The following XDH variants were observed in gnomAD, a reference collection of about 807,000 sequenced individuals.
XDH encodes the protein xanthine dehydrogenase/oxidase.
In XDH, 138 loss-of-function variants were observed where a neutral mutation model predicts 156.1. The observed-to-expected ratio is 0.88, with a 90% CI of 0.77 to 1.02. The LOEUF (loss-of-function observed/expected upper bound fraction) is 1.02. XDH is among the 50% of genes least tolerant of loss of function. The probability of loss-of-function intolerance (pLI) is 0.00; values close to 1 mark genes in which losing one functional copy is unlikely to be tolerated. For missense variants in XDH, 1,849 were observed against 1,684.9 expected (o/e 1.10, Z -1.71); for synonymous variants, 669 against 625.7 (o/e 1.07, Z -1.03).
At chr2:31,367,347 T>C (rs1420708333) in intron 20 of XDH, among the ~76,000 whole-genome samples, 3 of 152,218 alleles carry the variant, frequency 2.0e-5, no homozygotes, top group African/African-American at 7.2e-5. Flanking sequence ...ATTGAAACAC[T>C]GAAAACCAGC....
chr2:31,381,604 T>C, intron 12 of XDH, 29 bp downstream of exon 12: 1 of 1,611,932 alleles, frequency 6.2e-7, no homozygotes, highest in Non-Finnish European at 8.5e-7. Flanking sequence ...CAAGTCCTTC[T>C]TCCTGGACCT....
chr2:31,358,310 G>A lies in XDH; in HGVS notation c.2631+5848C>T, dbSNP rs7597682. On this transcript the variant is annotated intron_variant, in intron 24 of 35. Coordinates refer to ENST00000379416, the MANE Select transcript of XDH (RefSeq NM_000379.4). ...AGAAAAGAAGTCTCCAGGTCCAAAC[G>A]ATTTCACTGGAAAATTCTACCAAAC... Among the ~76,000 whole-genome samples, 1,487 of 152,176 alleles carry A rather than the reference G, an allele frequency of 9.8e-3. 19 individuals carry two copies. Among genetic ancestry groups the A allele is most frequent in the African/African-American group, 0.035 (1,438 of 41,542 alleles).
At chr2:31,390,988 T>C (rs1686746108) in intron 6 of XDH, among the ~76,000 whole-genome samples, 1 of 152,238 alleles carries the variant, frequency 6.6e-6, no homozygotes, top group African/African-American at 2.4e-5. Flanking sequence ...TTTAATGAAG[T>C]CCAGCTTATA....
rs915588135 is a variant in XDH at position 31,372,123 on chromosome 2, T to C, written c.1856+105A>G. Reference sequence around the variant, plus strand: ...CCTGGGAGGTCCTGGAGGCACCTCATTATCTTTGCATCTCCATGGCCTAGC... The same window carrying C: ...CCTGGGAGGTCCTGGAGGCACCTCACTATCTTTGCATCTCCATGGCCTAGC... On this transcript the variant is annotated intron_variant, in intron 17 of 35. Coordinates refer to ENST00000379416, the MANE Select transcript of XDH (RefSeq NM_000379.4). The C allele has an allele frequency of 2.5e-6, 4 of 1,570,800 alleles. No homozygotes were observed. In the African/African-American group the frequency reaches 5.4e-5, roughly 21 times the overall value.
At chr2:31,359,078 A>G (rs1214630886) in intron 24 of XDH, among the ~76,000 whole-genome samples, 2 of 152,148 alleles carry the variant, frequency 1.3e-5, no homozygotes, top group Non-Finnish European at 2.9e-5. Context: ...TATAAGAAAC[A>G]CAAACTGAAA....
rs1300967080 is a variant in XDH, at chr2:31,398,561, G to A, written c.433+12C>T. ...CCATTCCACCTCCTAGGCTGTGCCTGAAGGCCCATACCTTGGAAGGCATTC... is the reference window on the plus strand; with the variant it reads ...CCATTCCACCTCCTAGGCTGTGCCTAAAGGCCCATACCTTGGAAGGCATTC... On this transcript the variant is annotated intron_variant, in intron 5 of 35. Coordinates refer to ENST00000379416, the MANE Select transcript of XDH (RefSeq NM_000379.4). The A allele has an allele frequency of 6.2e-7, 1 of 1,613,792 alleles. No individual in the cohort carries two copies. Among genetic ancestry groups the A allele is most frequent in the African/African-American group, 1.3e-5 (1 of 74,936 alleles).
intron 16 of XDH, among the ~76,000 whole-genome samples, chr2:31,373,303 T>C (rs988042081): frequency 3.3e-5 from 5 of 152,172 alleles, no homozygotes; most frequent in African/African-American, 9.7e-5. Flanking sequence ...GGGCAGTAAA[T>C]TGTGGCATGG....
chr2:31,350,203 G>T lies in XDH; in HGVS notation c.2652C>A (p.Phe884Leu). The part of the protein sequence containing the change: ...LSQSIMERAL[F>L]HMDNCYKIPN... ...GGATTTTATAGCAGTTGTCCATGTG[G>T]AATAAAGCTCGTTCCATAATCTGAA... Residue 884 changes from phenylalanine to leucine, a missense_variant, in exon 25 of 36, where the codon TTC becomes TTA. Physicochemically the swap from Phe to Leu is conservative, Grantham distance 22. Transcript: ENST00000379416. 6.2e-7 allele frequency: 1 copy of T among 1,614,112 alleles called. No homozygotes were observed. Among genetic ancestry groups the T allele is most frequent in the Non-Finnish European group, 8.5e-7 (1 of 1,180,028 alleles).
rs45505391 is a variant in XDH, at chr2:31,338,085, A to G, written c.3775-268T>C. ...AATTTTCTCTGATGACATCATGCAC[A>G]TATAATGTACCATTTAAAGTTATAC... is the stretch of plus-strand genomic sequence containing the variant. On this transcript the variant is annotated intron_variant, in intron 34 of 35. Transcript: ENST00000379416. 0.021 allele frequency among the ~76,000 whole-genome samples: 3,148 copies of G among 152,328 alleles called. 109 individuals carry two copies. The highest frequency in any genetic ancestry group is 0.071 in the African/African-American group (2,964 of 41,556).
At position 31,377,088 on chromosome 2, in the gene XDH, G is replaced by A; in HGVS notation, c.1392C>T (p.Ile464=). 1 of 1,614,156 alleles carries A rather than the reference G, an allele frequency of 6.2e-7. No homozygotes were observed. Among genetic ancestry groups the A allele is most frequent in the Non-Finnish European group, 8.5e-7 (1 of 1,180,034 alleles). The change falls in exon 14 of 36, where the codon ATC becomes ATT. Residue 464 remains isoleucine, a synonymous_variant. Transcript: ENST00000379416. ...GCCTCTGAGTGGTCTTGAGGGCTGA[G>A]ATGGTTCTGTTGGCCATTCCACCAT... is the stretch of plus-strand genomic sequence containing the variant. The part of the protein sequence containing the change: ...LCYGGMANRT[I]SALKTTQRQL...
At chr2:31,336,806 T>A (rs1257063645) in intron 35 of XDH, among the ~76,000 whole-genome samples, 1 of 5,084 alleles carries the variant, frequency 2.0e-4, no homozygotes, top group African/African-American at 1.6e-3. Context: ...AAAAAGCATA[T>A]CGAATTTTAA....
chr2:31,343,889 C>CAT (rs757546341), intron 31 of XDH, among the ~76,000 whole-genome samples: 3 of 150,364 alleles, frequency 2.0e-5, no homozygotes, highest in Non-Finnish European at 4.5e-5. Context: ...AATGTTTATA[C>CAT]ATATATATAT....
chr2:31,399,440 G>A (rs1686996676), intron 4 of XDH, among the ~76,000 whole-genome samples: 1 of 152,122 alleles, frequency 6.6e-6, no homozygotes, highest in Admixed American at 6.5e-5. Context: ...CAGAAACCAA[G>A]AGAAAACAAA....
chr2:31,366,088 C>T lies in XDH; in HGVS notation c.2344G>A (p.Gly782Arg), dbSNP rs544529260. 21 of 1,614,194 alleles carry T rather than the reference C, an allele frequency of 1.3e-5. No individual in the cohort carries two copies. In the South Asian group the frequency reaches 2.0e-4, roughly 15 times the overall value. Residue 782 changes from glycine (G) to arginine (R), a missense_variant, in exon 22 of 36, where the codon GGG becomes AGG. Gly to Arg is a moderately radical substitution (Grantham distance 125). Coordinates refer to ENST00000379416, the MANE Select transcript of XDH (RefSeq NM_000379.4). ...ACCACAATCCGGTTTGCTGGAACCCCCAACATTTTTGCAACAAAGCTCTGT... is the reference window on the plus strand; with the variant it reads ...ACCACAATCCGGTTTGCTGGAACCCTCAACATTTTTGCAACAAAGCTCTGT... ...KTQSFVAKMLGVPANRIVVRV... is the reference protein window; with the variant it reads ...KTQSFVAKMLRVPANRIVVRV...
intron 29 of XDH, 114 bp from the exon 30 acceptor site, chr2:31,346,957 C>A: frequency 7.2e-7 from 1 of 1,389,058 alleles, no homozygotes; most frequent in South Asian, 1.2e-5. Context: ...ACCCAGGGTG[C>A]CACTCAAACA....
intron 21 of XDH, among the ~76,000 whole-genome samples, chr2:31,366,581 G>A (rs1445277728): frequency 6.6e-6 from 1 of 152,168 alleles, no homozygotes; most frequent in East Asian, 1.9e-4. Flanking sequence ...AATGATAACT[G>A]CCAACATGTA....
chr2:31,350,604 G>T (rs1428577462), intron 24 of XDH, among the ~76,000 whole-genome samples: 1 of 152,006 alleles, frequency 6.6e-6, no homozygotes, highest in Non-Finnish European at 1.5e-5. Context: ...TCGATCTCCT[G>T]ACCTCGTGAT....
At chr2:31,352,176 T>G (rs932707009) in intron 24 of XDH, among the ~76,000 whole-genome samples, 1 of 152,166 alleles carries the variant, frequency 6.6e-6, no homozygotes, top group Non-Finnish European at 1.5e-5. Flanking sequence ...TTTTTCACAT[T>G]GTTTTCCATT....
chr2:31,388,195 C>T lies in XDH; in HGVS notation c.564+32G>A. On this transcript the variant is annotated intron_variant, in intron 7 of 35. Transcript: ENST00000379416. Reference sequence around the variant, plus strand: ...GACTCCTCTAAGTCTCAGATTACCCCCAGGCTTCCAGGGGGAGAAGAACTC... The same window carrying T: ...GACTCCTCTAAGTCTCAGATTACCCTCAGGCTTCCAGGGGGAGAAGAACTC... The T allele has an allele frequency of 2.5e-6, 4 of 1,612,996 alleles. No homozygotes were observed. In the South Asian group the frequency reaches 3.3e-5, roughly 13 times the overall value.
Sources: gnomAD v4.1 joint callset for allele counts (sites outside exome capture counted in the v4.1 genomes callset) on GRCh38, gnomAD v4.1.1 for gene constraint, MANE v1.5 for transcripts, NCBI Gene and HGNC (gene_info 2026-07-23, HGNC 2026-07-21) for gene names.